LYZL1: variants seen among roughly 807,000 people sequenced by gnomAD.
LYZL1 encodes lysozyme like 1, also known as lysozyme-like protein 1.
In LYZL1, 16 loss-of-function variants were observed where a neutral mutation model predicts 17.9. The observed-to-expected ratio is 0.90, with a 90% CI of 0.61 to 1.36. LYZL1 has a LOEUF of 1.36. Ranked by LOEUF, LYZL1 falls within the 40% of genes most tolerant of loss-of-function variation. The probability of loss-of-function intolerance (pLI) is 0.00; values close to 1 mark genes in which losing one functional copy is unlikely to be tolerated. For synonymous variants in LYZL1, 58 were observed against 71.8 expected (o/e 0.81, Z 0.97); for missense variants, 149 against 188.4 (o/e 0.79, Z 1.22).
intron 3 of LYZL1, among the ~76,000 whole-genome samples, chr10:29,297,029 T>A (rs748941598): frequency 2.7e-5 from 4 of 149,292 alleles, no homozygotes; most frequent in Non-Finnish European, 5.9e-5. Context: ...ACCATTAATA[T>A]CTTCAGATAG....
At chr10:29,304,563 T>C (rs750743941) in intron 3 of LYZL1, among the ~76,000 whole-genome samples, 43 of 152,218 alleles carry the variant, frequency 2.8e-4, no homozygotes, top group Non-Finnish European at 5.9e-4. Flanking sequence ...CTGTTTTCTG[T>C]TGGATGTGGA....
At chr10:29,293,134 CTTTT>C (rs11453474) in intron 3 of LYZL1, among the ~76,000 whole-genome samples, 1 of 121,044 alleles carries the variant, frequency 8.3e-6, no homozygotes, top group African/African-American at 3.1e-5. Flanking sequence ...TTTCTTTTTT[CTTTT>C]TTTTTTTTTT....
intron 3 of LYZL1, among the ~76,000 whole-genome samples, chr10:29,300,373 C>T (rs892677369): frequency 1.3e-5 from 2 of 152,152 alleles, no homozygotes; most frequent in Non-Finnish European, 2.9e-5. Flanking sequence ...TCAAATAACA[C>T]ACCACTTCAT....
chr10:29,291,729 C>G (rs1835368190), intron 1 of LYZL1, 114 bp from the exon 2 acceptor site: 2 of 1,292,724 alleles, frequency 1.5e-6, no homozygotes, highest in South Asian at 3.0e-5. Flanking sequence ...GATGGTGGCA[C>G]TGAATGACCA....
intron 3 of LYZL1, among the ~76,000 whole-genome samples, chr10:29,295,658 G>A (rs748701073): frequency 1.2e-4 from 18 of 152,154 alleles, no homozygotes; most frequent in African/African-American, 2.7e-4. Context: ...GAGATTATCC[G>A]GGACAATGTG....
chr10:29,293,798 C>T (rs527338509), intron 3 of LYZL1, among the ~76,000 whole-genome samples: 17 of 151,928 alleles, frequency 1.1e-4, no homozygotes, highest in African/African-American at 4.1e-4. Context: ...CACGGTGAAA[C>T]CCCATCTCTA....
chr10:29,292,822 A>C (rs1835392638), intron 3 of LYZL1, 145 bp downstream of exon 3: 1 of 1,263,230 alleles, frequency 7.9e-7, no homozygotes, highest in East Asian at 2.4e-5. Flanking sequence ...ATTATGCAAC[A>C]GTTTCCAAGG....
rs78636211 is a variant in LYZL1 at position 29,295,144 on chromosome 10, T to C, written c.298+2467T>C. 4.2e-3 allele frequency among the ~76,000 whole-genome samples: 643 copies of C among 152,306 alleles called. 7 individuals are homozygous for C. The highest frequency in any genetic ancestry group is 0.014 in the African/African-American group (592 of 41,558). Reference sequence around the variant, plus strand: ...CTAGTATATTGTCCCTACCCTAACATTGATAAAGAATGATCACTACCTCCT... The same window carrying C: ...CTAGTATATTGTCCCTACCCTAACACTGATAAAGAATGATCACTACCTCCT... On this transcript the variant is annotated intron_variant, in intron 3 of 4. Transcript: ENST00000649382.
At position 29,292,518 on chromosome 10, in the gene LYZL1, G is replaced by A. The variant is rs1484345959; in HGVS notation, c.140-1G>A. ...GGCGTTTCTGGCTTTCCCCCCTCCAGGGATCTGCATGGCATATTATGAGAG... is the reference window on the plus strand; with the variant it reads ...GGCGTTTCTGGCTTTCCCCCCTCCAAGGATCTGCATGGCATATTATGAGAG... On this transcript the variant is annotated splice_acceptor_variant, in intron 2 of 4. Coordinates refer to ENST00000649382, the MANE Select transcript of LYZL1 (RefSeq NM_032517.6). LOFTEE classifies it high-confidence loss of function. 5 of 1,612,956 alleles carry A rather than the reference G, an allele frequency of 3.1e-6. No homozygotes were observed. The highest frequency in any genetic ancestry group is 3.4e-6 in the Non-Finnish European group (4 of 1,179,658).
chr10:29,313,838 CATT>C (rs1196273217), downstream of LYZL1, among the ~76,000 whole-genome samples: 1 of 152,200 alleles, frequency 6.6e-6, no homozygotes, highest in Non-Finnish European at 1.5e-5. Flanking sequence ...CTCGTGGCCA[CATT>C]ATCTGCTGGT....
At chr10:29,296,277 C>G (rs1835445239) in intron 3 of LYZL1, among the ~76,000 whole-genome samples, 1 of 152,122 alleles carries the variant, frequency 6.6e-6, no homozygotes, top group Non-Finnish European at 1.5e-5. Flanking sequence ...CAAGTGGTGA[C>G]TAACTTAGTG....
chr10:29,292,638 A>G lies in LYZL1; in HGVS notation c.259A>G (p.Lys87Glu). 6.2e-7 allele frequency: 1 copy of G among 1,614,194 alleles called. No individual in the cohort carries two copies. Among genetic ancestry groups the G allele is most frequent in the Non-Finnish European group, 8.5e-7 (1 of 1,180,022 alleles). ...CAGCTTCGCGTGGTGCAGACGCGGA[A>G]AGCTGAAGGAGAACAACCACTGCCA... The part of the protein sequence containing the change: ...INSFAWCRRG[K>E]LKENNHCHVA... The change falls in exon 3 of 5, where the codon AAG (lysine) becomes GAG (glutamate). Residue 87 changes from lysine to glutamate, a missense_variant. Coordinates refer to ENST00000649382, the MANE Select transcript of LYZL1 (RefSeq NM_032517.6).
rs1835667926 is a variant in LYZL1, at chr10:29,311,218, TA to T, written c.*162del. The stretch of plus-strand genomic sequence containing the variant: ...TTTTAAGAAAATAAATATTTCCATT[TA>T]AATGTCTTCACCCCGTCTCAGTTCC... On this transcript the variant is annotated 3_prime_UTR_variant, in exon 5 of 5. Coordinates refer to ENST00000649382, the MANE Select transcript of LYZL1 (RefSeq NM_032517.6). 1 of 1,549,900 alleles carries T rather than the reference TA, an allele frequency of 6.5e-7. No homozygotes were observed. Among genetic ancestry groups the T allele is most frequent in the African/African-American group, 1.4e-5 (1 of 71,920 alleles).
At chr10:29,293,134 C>CTTTT (rs11453474) in intron 3 of LYZL1, among the ~76,000 whole-genome samples, 2 of 121,044 alleles carry the variant, frequency 1.7e-5, no homozygotes, top group South Asian at 2.7e-4. Context: ...TTTCTTTTTT[C>CTTTT]TTTTTTTTTT....
chr10:29,304,757 C>A (rs916636939), intron 3 of LYZL1, among the ~76,000 whole-genome samples: 1 of 152,006 alleles, frequency 6.6e-6, no homozygotes, highest in Non-Finnish European at 1.5e-5. Flanking sequence ...TGTAACAACA[C>A]CTCAGTGCTC....
rs141656253 is a variant in LYZL1 at position 29,318,116 on chromosome 10, A to T, written c.*139-35A>T. On this transcript the variant is annotated intron_variant and NMD_transcript_variant, in intron 4 of 4. Coordinates refer to the LYZL1 transcript ENST00000494304. ...CAAAGGTGCAGATAGTGGCTGAAAG[A>T]AACCACCTGAAACTGAGGCTGTTTA... 2,027 of 982,126 alleles carry T rather than the reference A, an allele frequency of 2.1e-3. 28 individuals carry two copies. In the African/African-American group the frequency reaches 0.033, roughly 16 times the overall value. 60.8% of individuals were successfully genotyped at this position (982,126 alleles called of 1,614,324 possible). A position where few individuals can be genotyped will look rare whatever the true frequency, so the allele number is the denominator to read the frequency against.
chr10:29,305,446 T>G (rs1835576964), intron 3 of LYZL1, among the ~76,000 whole-genome samples: 2 of 152,346 alleles, frequency 1.3e-5, no homozygotes, highest in Admixed American at 1.3e-4. Flanking sequence ...ACTGGGTGTG[T>G]GACCTTGGTT....
At position 29,295,657 on chromosome 10, in the gene LYZL1, C is replaced by T. The variant is rs188441175; in HGVS notation, c.298+2980C>T. Among the ~76,000 whole-genome samples, 32 of 152,248 alleles carry T rather than the reference C, an allele frequency of 2.1e-4. No homozygotes were observed. The South Asian group carries it at 3.5e-3, about 17-fold the overall frequency. Reference sequence around the variant, plus strand: ...CTGAGATCAGGTAGGGGAGATTATCCGGGACAATGTGGGTGGAACCAGTCT... The same window carrying T: ...CTGAGATCAGGTAGGGGAGATTATCTGGGACAATGTGGGTGGAACCAGTCT... On this transcript the variant is annotated intron_variant, in intron 3 of 4. Coordinates refer to ENST00000649382, the MANE Select transcript of LYZL1 (RefSeq NM_032517.6).
chr10:29,314,569 T>G (rs1167860906), downstream of LYZL1, among the ~76,000 whole-genome samples: 3 of 152,050 alleles, frequency 2.0e-5, no homozygotes, highest in Non-Finnish European at 2.9e-5. Flanking sequence ...AACTATGAAC[T>G]AGCCACTGCA....
Sources: allele counts gnomAD v4.1 joint callset (sites outside exome capture counted in the v4.1 genomes callset), GRCh38; gene constraint gnomAD v4.1.1; transcripts MANE v1.5; gene names NCBI Gene and HGNC (gene_info 2026-07-23, HGNC 2026-07-21).